The following RBFOX1 variants were observed in gnomAD, a reference collection of about 807,000 sequenced individuals.
RBFOX1 encodes RNA binding protein fox-1 homolog 1.
A neutral mutation model predicts 57.7 loss-of-function variants in RBFOX1; 8 were observed. That is an observed-to-expected ratio of 0.14 (90% CI 0.08 to 0.25). The LOEUF (loss-of-function observed/expected upper bound fraction) is 0.25, where lower values mean the gene tolerates loss of function less well. RBFOX1 is among the 10% of genes least tolerant of loss of function. The pLI, the probability that RBFOX1 is intolerant of heterozygous loss-of-function variation, is 1.00. For missense variants in RBFOX1, 611 were observed against 548.5 expected (o/e 1.11, Z -1.14); for synonymous variants, 326 against 222.4 (o/e 1.47, Z -4.15).
At chr16:6,984,928 A>C (rs541768356) in intron 3 of RBFOX1, among the ~76,000 whole-genome samples, 2 of 152,262 alleles carry the variant, frequency 1.3e-5, no homozygotes, top group East Asian at 3.9e-4. Context: ...GGTATGAGAC[A>C]TTGCACCCGG....
chr16:6,496,051 G>A (rs952135007), intron 2 of RBFOX1, among the ~76,000 whole-genome samples: 19 of 152,310 alleles, frequency 1.2e-4, no homozygotes, highest in African/African-American at 3.6e-4. Flanking sequence ...AAGAACAAGC[G>A]TATGTTTATG....
chr16:6,578,951 C>G (rs928035993), intron 2 of RBFOX1, among the ~76,000 whole-genome samples: 1 of 151,960 alleles, frequency 6.6e-6, no homozygotes, highest in Admixed American at 6.6e-5. Flanking sequence ...AATTACGGCT[C>G]TGGTGATGGG....
At chr16:7,370,644 A>G (rs535116917) in intron 4 of RBFOX1, among the ~76,000 whole-genome samples, 1 of 152,306 alleles carries the variant, frequency 6.6e-6, no homozygotes, top group African/African-American at 2.4e-5. Flanking sequence ...CATCCTAGGC[A>G]TGGGTGCCAT....
At chr16:6,512,008 T>A (rs561553739) in intron 2 of RBFOX1, among the ~76,000 whole-genome samples, 26 of 152,078 alleles carry the variant, frequency 1.7e-4, no homozygotes, top group African/African-American at 6.3e-4. Context: ...TGGTGGCTTA[T>A]ACCTGTAATC....
chr16:5,821,308 T>C (rs972746004), intron 3 of RBFOX1, among the ~76,000 whole-genome samples: 3 of 148,520 alleles, frequency 2.0e-5, no homozygotes, highest in Admixed American at 2.0e-4. Context: ...TTTTTTTTTT[T>C]TTTTTGAGAC....
chr16:7,558,381 C>T lies in RBFOX1; in HGVS notation c.271-21396C>T, dbSNP rs182322916. Among the ~76,000 whole-genome samples, 116 of 151,854 alleles carry T rather than the reference C, an allele frequency of 7.6e-4. 3 individuals are homozygous for T. The South Asian group carries it at 0.019, about 24-fold the overall frequency. Reference sequence around the variant, plus strand: ...AATAAGACATACATATATATATACACGCGCACACACTCACACACATATATA... The same window carrying T: ...AATAAGACATACATATATATATACATGCGCACACACTCACACACATATATA... On this transcript the variant is annotated intron_variant, in intron 5 of 15. Transcript: ENST00000550418.
At chr16:5,254,250 A>G (rs2062527681) in intron 1 of RBFOX1, among the ~76,000 whole-genome samples, 1 of 152,208 alleles carries the variant, frequency 6.6e-6, no homozygotes, top group Non-Finnish European at 1.5e-5. Flanking sequence ...CGCTGGGTGC[A>G]CACTCTTAAC....
chr16:7,346,619 C>T (rs759004551), intron 4 of RBFOX1, among the ~76,000 whole-genome samples: 1 of 151,788 alleles, frequency 6.6e-6, no homozygotes, highest in Non-Finnish European at 1.5e-5. Flanking sequence ...TGGTGTGTGT[C>T]CCATGTGGCC....
chr16:6,748,412 A>G (rs180960688), intron 3 of RBFOX1, among the ~76,000 whole-genome samples: 2 of 152,224 alleles, frequency 1.3e-5, no homozygotes, highest in Admixed American at 1.3e-4. Context: ...TATAATCCCA[A>G]CACTTTGGAA....
intron 2 of RBFOX1, among the ~76,000 whole-genome samples, chr16:6,529,957 G>C (rs1007364955): frequency 6.6e-6 from 1 of 152,066 alleles, no homozygotes; most frequent in African/African-American, 2.4e-5. Flanking sequence ...AAATAACTCA[G>C]ATTTTTCAAC....
At position 6,905,362 on chromosome 16, in the gene RBFOX1, G is replaced by C. The variant is rs546462558; in HGVS notation, c.-15-146695G>C. Among the ~76,000 whole-genome samples the C allele has an allele frequency of 3.3e-5, 5 of 152,118 alleles. 1 individual carries two copies. Among genetic ancestry groups the C allele is most frequent in the African/African-American group, 9.6e-5 (4 of 41,502 alleles). On this transcript the variant is annotated intron_variant, in intron 3 of 15. Transcript: ENST00000550418. The stretch of plus-strand genomic sequence containing the variant: ...TGAGGTTGGGAGTTCGAGACTCCCA[G>C]GCCAACAAGGCAAAACCCCACCTCT...
intron 3 of RBFOX1, among the ~76,000 whole-genome samples, chr16:6,712,997 C>T (rs1242483509): frequency 6.6e-6 from 1 of 150,740 alleles, no homozygotes; most frequent in African/African-American, 2.4e-5. Flanking sequence ...CTCTTGCCTG[C>T]CGCCATGTAA....
At chr16:6,179,954 A>G (rs1434541667) in intron 1 of RBFOX1, among the ~76,000 whole-genome samples, 3 of 152,148 alleles carry the variant, frequency 2.0e-5, no homozygotes, top group Non-Finnish European at 4.4e-5. Flanking sequence ...ACTTTTGTCA[A>G]ATTCTTTTTC....
chr16:7,320,690 C>A (rs982515786), intron 4 of RBFOX1, among the ~76,000 whole-genome samples: 1 of 152,200 alleles, frequency 6.6e-6, no homozygotes, highest in Admixed American at 6.5e-5. Context: ...ATCATTTAAA[C>A]GCTCAGCACT....
At chr16:5,515,454 G>C (rs573633928) in intron 2 of RBFOX1, among the ~76,000 whole-genome samples, 8 of 152,304 alleles carry the variant, frequency 5.3e-5, no homozygotes, top group Non-Finnish European at 1.2e-4. Context: ...GTCCTCCCAG[G>C]AGCCTTCTAT....
chr16:6,957,723 A>G (rs537418640), intron 3 of RBFOX1, among the ~76,000 whole-genome samples: 2 of 151,998 alleles, frequency 1.3e-5, no homozygotes, highest in African/African-American at 2.4e-5. Context: ...GCGTCATTTT[A>G]CCCAGCCCCT....
Position 6,433,340 on chromosome 16 carries a change from C to T in RBFOX1, c.-64+116283C>T, listed in dbSNP as rs564389967. 3.2e-4 allele frequency among the ~76,000 whole-genome samples: 48 copies of T among 152,324 alleles called. No individual in the cohort carries two copies. In the South Asian group the frequency reaches 9.7e-3, roughly 31 times the overall value. On this transcript the variant is annotated intron_variant, in intron 2 of 15. Coordinates refer to ENST00000550418, the MANE Select transcript of RBFOX1 (RefSeq NM_018723.4). ...GATGAGCAACTTTTAAAAATGGAGC[C>T]ACTATTTCAGTTATCACTTCCACCA...
At chr16:7,043,697 A>T (rs1324228451) in intron 3 of RBFOX1, among the ~76,000 whole-genome samples, 1 of 152,214 alleles carries the variant, frequency 6.6e-6, no homozygotes, top group African/African-American at 2.4e-5. Flanking sequence ...TGGACATGAA[A>T]ACATGAACAT....
intron 4 of RBFOX1, among the ~76,000 whole-genome samples, chr16:5,900,518 G>A (rs1324096005): frequency 1.3e-5 from 2 of 152,222 alleles, no homozygotes; most frequent in Middle Eastern, 3.4e-3. Flanking sequence ...TTGCCCCAGA[G>A]TAGAAATCCA....
Sources: gnomAD v4.1 joint callset for allele counts (sites outside exome capture counted in the v4.1 genomes callset) on GRCh38, gnomAD v4.1.1 for gene constraint, MANE v1.5 for transcripts, NCBI Gene and HGNC (gene_info 2026-07-23, HGNC 2026-07-21) for gene names.